Variants in SAFB observed in about 807,000 individuals in gnomAD.
SAFB encodes the protein scaffold attachment factor B.
In SAFB, 15 loss-of-function variants were observed where a neutral mutation model predicts 101.6. The ratio of observed to expected loss-of-function variants is 0.15; its 90% CI spans 0.10 to 0.23. The LOEUF (loss-of-function observed/expected upper bound fraction) is 0.23, where lower values mean the gene tolerates loss of function less well. SAFB is among the 10% of genes least tolerant of loss of function. SAFB has a pLI of 1.00. For synonymous variants in SAFB, 449 were observed against 407.5 expected (o/e 1.10, Z -1.23); for missense variants, 930 against 1,104.1 (o/e 0.84, Z 2.23).
chr19:5,637,236 C>T (rs939581355), intron 2 of SAFB, among the ~76,000 whole-genome samples: 3 of 149,194 alleles, frequency 2.0e-5, no homozygotes, highest in Non-Finnish European at 3.0e-5. Flanking sequence ...CCCAGCTACT[C>T]GGGAGGCTGA....
chr19:5,643,458 GA>G (rs1452904720), intron 4 of SAFB, among the ~76,000 whole-genome samples: 3 of 152,302 alleles, frequency 2.0e-5, no homozygotes, highest in East Asian at 3.9e-4. Flanking sequence ...TTGAGTCTGA[GA>G]AGTGGCTGAG....
At chr19:5,648,318 TA>T (rs2053867471) in intron 6 of SAFB, 1 of 449,544 alleles carries the variant, frequency 2.2e-6, no homozygotes, top group African/African-American at 2.0e-5. Context: ...GAATCATACA[TA>T]GAGAAAGAGT....
intron 6 of SAFB, chr19:5,648,774 T>C: frequency 1.4e-5 from 10 of 722,028 alleles, no homozygotes; most frequent in Non-Finnish European, 2.2e-5. Context: ...CTGGGATGCT[T>C]TTCTCTTCCG....
intron 2 of SAFB, among the ~76,000 whole-genome samples, chr19:5,637,225 T>C: frequency 6.7e-6 from 1 of 149,936 alleles, no homozygotes; most frequent in East Asian, 2.0e-4. Context: ...GTGCCTGTAG[T>C]CCCAGCTACT....
chr19:5,653,762 C>A (rs557411399), intron 11 of SAFB, among the ~76,000 whole-genome samples: 2 of 148,496 alleles, frequency 1.3e-5, no homozygotes, highest in East Asian at 4.1e-4. Flanking sequence ...CATGCCTGGC[C>A]GGGGCAGGGT....
chr19:5,637,141 G>A (rs1466673484), intron 2 of SAFB, among the ~76,000 whole-genome samples: 2 of 150,568 alleles, frequency 1.3e-5, no homozygotes, highest in Admixed American at 6.6e-5. Context: ...TCAGGAGATC[G>A]AGACCATCCT....
At chr19:5,624,467 A>G (rs2053299397) in intron 1 of SAFB, among the ~76,000 whole-genome samples, 1 of 151,958 alleles carries the variant, frequency 6.6e-6, no homozygotes, top group Non-Finnish European at 1.5e-5. Context: ...AGAGGCAAGT[A>G]AAGGTTAGCC....
chr19:5,633,228 T>G (rs1568251067), intron 2 of SAFB, among the ~76,000 whole-genome samples: 1 of 152,258 alleles, frequency 6.6e-6, no homozygotes, highest in Admixed American at 6.5e-5. Flanking sequence ...CTCATTTATC[T>G]GTGTGAACTT....
intron 14 of SAFB, 171 bp from the exon 15 acceptor site, chr19:5,661,347 C>A: frequency 1.7e-6 from 2 of 1,175,214 alleles, no homozygotes; most frequent in Non-Finnish European, 1.2e-6. Context: ...TCTTCCTGGG[C>A]TGCTCCTGTG....
At chr19:5,653,057 C>T (rs1387131922) in intron 9 of SAFB, 58 bp from the exon 10 acceptor site, 55 of 1,591,128 alleles carry the variant, frequency 3.5e-5, no homozygotes, top group Non-Finnish European at 4.6e-5. Context: ...TGTTCATATC[C>T]CCATGCCCCG....
intron 1 of SAFB, among the ~76,000 whole-genome samples, chr19:5,625,938 C>T (rs182865728): frequency 2.2e-4 from 34 of 152,252 alleles, no homozygotes; most frequent in South Asian, 8.3e-4. Context: ...AGTACAGGCA[C>T]GGCGTGGAGG....
intron 8 of SAFB, among the ~76,000 whole-genome samples, chr19:5,650,683 T>G (rs993866149): frequency 3.8e-4 from 58 of 152,330 alleles, no homozygotes; most frequent in African/African-American, 1.4e-3. Flanking sequence ...AGTGCTGGGA[T>G]TACAGGCGTG....
At chr19:5,627,099 C>G (rs2053381981) in intron 2 of SAFB, among the ~76,000 whole-genome samples, 1 of 151,598 alleles carries the variant, frequency 6.6e-6, no homozygotes, top group African/African-American at 2.4e-5. Flanking sequence ...CACTTGAGCC[C>G]AGGAGCTCAA....
In SAFB at chr19:5,623,130, C is replaced by T; in HGVS notation, c.-76C>T. ...ACTGGAGCGGTTCCCTCGCAGGCGG[C>T]GCCATTTTGTGCTAGGAGCCTGATA... On this transcript the variant is annotated 5_prime_UTR_variant, in exon 1 of 21. Transcript: ENST00000588852. 1.4e-6 allele frequency: 2 copies of T among 1,427,546 alleles called. No individual in the cohort carries two copies. Among genetic ancestry groups the T allele is most frequent in the Non-Finnish European group, 1.9e-6 (2 of 1,048,864 alleles). 88.4% of individuals were successfully genotyped at this position (1,427,546 alleles called of 1,614,324 possible). A position where few individuals can be genotyped will look rare whatever the true frequency, so the allele number is the denominator to read the frequency against.
chr19:5,668,080 A>G, intron 20 of SAFB, 82 bp from the exon 21 acceptor site: 1 of 1,542,916 alleles, frequency 6.5e-7, no homozygotes, highest in Middle Eastern at 1.7e-4. Context: ...CCTGCAGGCA[A>G]CACTCAGGGA....
chr19:5,661,773 G>A lies in SAFB; in HGVS notation c.2118G>A (p.Arg706=), dbSNP rs373344350. The change falls in exon 15 of 21, where the codon CGG becomes CGA. Residue 706 remains arginine (R), a synonymous_variant. Transcript: ENST00000588852. ...RQQELRYEQE[R]RPAVRRPYDL... is the part of the protein sequence containing the mutation. The stretch of plus-strand genomic sequence containing the variant: ...AGGAACTGCGCTATGAGCAGGAGCG[G>A]CGGCCCGCGGTGCGGCGGCCCTACG... 2 of 1,569,060 alleles carry A rather than the reference G, an allele frequency of 1.3e-6. No homozygotes were observed. The highest frequency in any genetic ancestry group is 1.2e-5 in the South Asian group (1 of 86,538).
At chr19:5,632,091 T>A (rs1304375319) in intron 2 of SAFB, among the ~76,000 whole-genome samples, 1 of 152,184 alleles carries the variant, frequency 6.6e-6, no homozygotes, top group African/African-American at 2.4e-5. Flanking sequence ...TTATTTGTAG[T>A]GTCATCACAA....
At chr19:5,636,181 C>G (rs1324040001) in intron 2 of SAFB, among the ~76,000 whole-genome samples, 1 of 151,974 alleles carries the variant, frequency 6.6e-6, no homozygotes, top group Non-Finnish European at 1.5e-5. Flanking sequence ...AACCCTGATT[C>G]TGTTTGATGA....
intron 2 of SAFB, among the ~76,000 whole-genome samples, chr19:5,640,699 C>A (rs537658015): frequency 1.3e-5 from 2 of 152,104 alleles, no homozygotes; most frequent in African/African-American, 4.8e-5. Context: ...AAGCGATTTT[C>A]CTGCCTCCGC....
Sources: gnomAD v4.1 joint callset for allele counts (sites outside exome capture counted in the v4.1 genomes callset) on GRCh38, gnomAD v4.1.1 for gene constraint, MANE v1.5 for transcripts, NCBI Gene and HGNC (gene_info 2026-07-23, HGNC 2026-07-21) for gene names.